Variants in PKP1 observed in about 807,000 individuals in gnomAD.
The protein encoded by PKP1 is plakophilin 1.
Under a neutral mutation model 76.4 loss-of-function variants are expected in PKP1, and 27 were observed. That is an observed-to-expected ratio of 0.35 (90% CI 0.26 to 0.49). The LOEUF is 0.49. PKP1 is among the 20% of genes least tolerant of loss of function. PKP1 has a pLI of 0.99. For missense variants in PKP1, 964 were observed against 955.2 expected (o/e 1.01, Z -0.12); for synonymous variants, 404 against 384.2 (o/e 1.05, Z -0.60).
intron 1 of PKP1, among the ~76,000 whole-genome samples, chr1:201,292,837 C>T (rs1655960130): frequency 6.6e-6 from 1 of 152,240 alleles, no homozygotes; most frequent in Non-Finnish European, 1.5e-5. Context: ...GAGTGTGGGC[C>T]AGGCCACGGA....
chr1:201,314,238 G>A (rs1656658003), intron 3 of PKP1, among the ~76,000 whole-genome samples: 1 of 152,130 alleles, frequency 6.6e-6, no homozygotes, highest in African/African-American at 2.4e-5. Flanking sequence ...GCGGGTAGAG[G>A]GTGCTTGAGC....
intron 2 of PKP1, among the ~76,000 whole-genome samples, chr1:201,309,997 C>T (rs542377023): frequency 6.6e-5 from 10 of 152,334 alleles, no homozygotes; most frequent in Admixed American, 5.9e-4. Flanking sequence ...TATTTAGACC[C>T]ATTCTATGTC....
chr1:201,303,287 C>T (rs1346926492), intron 2 of PKP1, among the ~76,000 whole-genome samples: 3 of 151,762 alleles, frequency 2.0e-5, no homozygotes, highest in Admixed American at 6.6e-5. Context: ...CAAGTAGCTG[C>T]AACTACAGGC....
chr1:201,328,944 A>T, intron 13 of PKP1, 76 bp downstream of exon 13: 1 of 916,160 alleles, frequency 1.1e-6, no homozygotes, highest in Admixed American at 1.7e-5. Flanking sequence ...GACAAGGGCT[A>T]GGCCTGTGCT....
intron 1 of PKP1, among the ~76,000 whole-genome samples, chr1:201,285,264 A>C (rs984708757): frequency 9.7e-6 from 1 of 102,988 alleles, no homozygotes; most frequent in South Asian, 3.5e-4. Flanking sequence ...ACACACACAC[A>C]CCTCACACTT....
At chr1:201,319,986 A>G in intron 6 of PKP1, 6 of 1,224,100 alleles carry the variant, frequency 4.9e-6, no homozygotes, top group Non-Finnish European at 4.8e-6. Context: ...TGCAAATGAG[A>G]CCTCATTTCA....
At chr1:201,307,952 T>C (rs775544860) in intron 2 of PKP1, among the ~76,000 whole-genome samples, 16 of 152,136 alleles carry the variant, frequency 1.1e-4, no homozygotes, top group Non-Finnish European at 1.3e-4. Context: ...CCAGGGTGTG[T>C]CTCGCTGGAG....
rs2102402022 is a variant in PKP1, at chr1:201,283,566, G to T, written c.-137G>T. 1 of 782,826 alleles carries T rather than the reference G, an allele frequency of 1.3e-6. No homozygotes were observed. Among genetic ancestry groups the T allele is most frequent in the South Asian group, 1.5e-5 (1 of 67,076 alleles). The allele number at this position is 782,826 out of a possible 1,614,324, so 48.5% of individuals were successfully genotyped here. ...AGGAGCAGCTGCAGGGAGCCCTCAC[G>T]CGGACCACGCACTCTATGGCCGTAG... On this transcript the variant is annotated 5_prime_UTR_variant, in exon 1 of 14. Transcript: ENST00000367324.
At chr1:201,323,399 C>T (rs1395647582) in intron 9 of PKP1, among the ~76,000 whole-genome samples, 6 of 143,960 alleles carry the variant, frequency 4.2e-5, no homozygotes, top group Non-Finnish European at 7.7e-5. Context: ...AGGGTGGGCC[C>T]ACTGATGCTG....
chr1:201,283,654 C>A lies in PKP1; in HGVS notation c.-49C>A. The A allele has an allele frequency of 6.5e-7, 1 of 1,532,066 alleles. No homozygotes were observed. The highest frequency in any genetic ancestry group is 9.0e-7 in the Non-Finnish European group (1 of 1,114,448). 94.9% of individuals were successfully genotyped at this position (1,532,066 alleles called of 1,614,324 possible). ...CCCGCTGCACCGCACCTCGCCTCGCCTCTCTGCTCTCCTAGGCCCCGGCCG... is the reference window on the plus strand; with the variant it reads ...CCCGCTGCACCGCACCTCGCCTCGCATCTCTGCTCTCCTAGGCCCCGGCCG... On this transcript the variant is annotated 5_prime_UTR_variant, in exon 1 of 14. Coordinates refer to ENST00000367324, the MANE Select transcript of PKP1 (RefSeq NM_001005337.3).
Position 201,332,603 on chromosome 1 carries a change from G to A in PKP1, c.*2562G>A, listed in dbSNP as rs1317871446. ...TTGGGGCCAAATGAGGAAGGACACA[G>A]ACTCTGCCCTGGGATCTCCTGTGCT... is the stretch of plus-strand genomic sequence containing the variant. On this transcript the variant is annotated 3_prime_UTR_variant, in exon 14 of 14. Transcript: ENST00000367324. 1.7e-5 allele frequency: 2 copies of A among 118,016 alleles called. No homozygotes were observed. The highest frequency in any genetic ancestry group is 7.6e-5 in the Admixed American group (1 of 13,072). The allele number at this position is 118,016 out of a possible 1,614,324, so 7.3% of individuals were successfully genotyped here. A position where few individuals can be genotyped will look rare whatever the true frequency, so the allele number is the denominator to read the frequency against.
chr1:201,324,115 G>GGGT (rs1157882570), intron 9 of PKP1, among the ~76,000 whole-genome samples: 5 of 152,160 alleles, frequency 3.3e-5, no homozygotes, highest in African/African-American at 9.7e-5. Context: ...TGAGACAGTG[G>GGGT]GGTGAGAGAG....
intron 1 of PKP1, among the ~76,000 whole-genome samples, chr1:201,293,523 T>C (rs1571541016): frequency 6.6e-6 from 1 of 152,196 alleles, no homozygotes; most frequent in Non-Finnish European, 1.5e-5. Flanking sequence ...CTGTTGCTGC[T>C]GGACTGGGAA....
chr1:201,316,625 T>A lies in PKP1; in HGVS notation c.774T>A (p.Asp258Glu). ...CTGTGCAGTACCTGAGCTCCCAGGA[T>A]GAGAAGTACCAGGCCATTGGGGCCT... is the stretch of plus-strand genomic sequence containing the variant. ...PKAVQYLSSQDEKYQAIGAYY... is the reference protein window; with the variant it reads ...PKAVQYLSSQEEKYQAIGAYY... Residue 258 changes from aspartate to glutamate, a missense_variant, in exon 4 of 14, where the codon GAT becomes GAA. Physicochemically the swap from Asp to Glu is conservative, Grantham distance 45 (BLOSUM62 2). Transcript: ENST00000367324. 6.2e-7 allele frequency: 1 copy of A among 1,613,492 alleles called. No homozygotes were observed. The highest frequency in any genetic ancestry group is 8.5e-7 in the Non-Finnish European group (1 of 1,179,784).
intron 1 of PKP1, among the ~76,000 whole-genome samples, chr1:201,292,532 C>T (rs955166488): frequency 3.3e-5 from 5 of 152,090 alleles, no homozygotes; most frequent in Admixed American, 6.5e-5. Context: ...GGAGGTGGCA[C>T]GAGGTGGGGA....
At chr1:201,327,606 C>G (rs1454430848) in intron 12 of PKP1, among the ~76,000 whole-genome samples, 3 of 151,982 alleles carry the variant, frequency 2.0e-5, no homozygotes, top group African/African-American at 7.2e-5. Context: ...CCCCAAAACA[C>G]AGAGTCCACC....
At chr1:201,285,856 C>A (rs187573861) in intron 1 of PKP1, among the ~76,000 whole-genome samples, 3 of 152,204 alleles carry the variant, frequency 2.0e-5, no homozygotes, top group Non-Finnish European at 4.4e-5. Context: ...CTCCCAAGGT[C>A]CCCCAGGGGG....
Position 201,314,740 on chromosome 1 carries a change from G to T in PKP1, c.701+1180G>T, listed in dbSNP as rs1656673257. Among the ~76,000 whole-genome samples, 3 of 152,188 alleles carry T rather than the reference G, an allele frequency of 2.0e-5. No individual in the cohort carries two copies. In the South Asian group the frequency reaches 6.2e-4, roughly 32 times the overall value. On this transcript the variant is annotated intron_variant, in intron 3 of 13. Coordinates refer to ENST00000367324, the MANE Select transcript of PKP1 (RefSeq NM_001005337.3). Reference sequence around the variant, plus strand: ...ACTGCTCTTGTTATTTATTTATTTGGCAAATGTTTGCCGACCATCTACTAC... The same window carrying T: ...ACTGCTCTTGTTATTTATTTATTTGTCAAATGTTTGCCGACCATCTACTAC...
chr1:201,293,811 C>A, intron 1 of PKP1, 131 bp from the exon 2 acceptor site: 1 of 712,024 alleles, frequency 1.4e-6, no homozygotes, highest in East Asian at 2.7e-5. Flanking sequence ...TCCCCACCTT[C>A]TCCTCCAGGA....
Sources: allele counts gnomAD v4.1 joint callset (sites outside exome capture counted in the v4.1 genomes callset), GRCh38; gene constraint gnomAD v4.1.1; transcripts MANE v1.5; gene names NCBI Gene and HGNC (gene_info 2026-07-23, HGNC 2026-07-21).